The following LONP2 variants were observed in gnomAD, a reference collection of about 807,000 sequenced individuals.
LONP2 encodes the protein lon protease homolog 2, peroxisomal.
In LONP2, 60 loss-of-function variants were observed where a neutral mutation model predicts 85.6. The ratio of observed to expected loss-of-function variants is 0.70; its 90% CI spans 0.57 to 0.87. LONP2 has a LOEUF of 0.87. Among genes scored for constraint, LONP2 ranks in the 40% least tolerant of loss-of-function variants. LONP2 has a pLI of 0.00. For synonymous variants in LONP2, 395 were observed against 389.7 expected (o/e 1.01, Z -0.16); for missense variants, 860 against 1,063.5 (o/e 0.81, Z 2.66).
At chr16:48,252,387 T>A (rs762595771) in intron 2 of LONP2, 22 bp downstream of exon 2, 1 of 1,477,754 alleles carries the variant, frequency 6.8e-7, no homozygotes, top group South Asian at 1.4e-5. Context: ...TTATTTTTTC[T>A]TAAAACCCAT....
chr16:48,270,304 A>G (rs746470840), intron 7 of LONP2, 30 bp downstream of exon 7: 2 of 1,606,838 alleles, frequency 1.2e-6, no homozygotes, highest in Admixed American at 1.7e-5. Flanking sequence ...TTAATCTCTG[A>G]TTCCTCTTTC....
chr16:48,250,121 GGCAGAGT>G (rs1022785434), intron 1 of LONP2, among the ~76,000 whole-genome samples: 1 of 151,390 alleles, frequency 6.6e-6, no homozygotes, highest in African/African-American at 2.4e-5. Flanking sequence ...GAACCCAGGA[GGCAGAGT>G]GCAATAAGCC....
intron 7 of LONP2, among the ~76,000 whole-genome samples, chr16:48,272,148 A>G (rs1209231859): frequency 6.6e-6 from 1 of 152,226 alleles, no homozygotes; most frequent in African/African-American, 2.4e-5. Flanking sequence ...ACACACAGTG[A>G]GCATTCACTA....
In LONP2 at chr16:48,352,191, G is replaced by A. The variant is rs1223933037; in HGVS notation, c.*389G>A. Reference sequence around the variant, plus strand: ...GGGACAGAAATCTGTGTTTTAAGAAGCCTTCCAGGTAATTCTGCTGCACAC... The same window carrying A: ...GGGACAGAAATCTGTGTTTTAAGAAACCTTCCAGGTAATTCTGCTGCACAC... On this transcript the variant is annotated 3_prime_UTR_variant, in exon 15 of 15. Transcript: ENST00000285737. 1 of 199,312 alleles carries A rather than the reference G, an allele frequency of 5.0e-6. No homozygotes were observed. Among genetic ancestry groups the A allele is most frequent in the Non-Finnish European group, 1.0e-5 (1 of 96,320 alleles). The allele number at this position is 199,312 out of a possible 1,614,324, so 12.3% of individuals were successfully genotyped here. A position where few individuals can be genotyped will look rare whatever the true frequency, so the allele number is the denominator to read the frequency against.
chr16:48,287,583 G>A (rs1972473421), intron 8 of LONP2, among the ~76,000 whole-genome samples: 1 of 152,192 alleles, frequency 6.6e-6, no homozygotes, highest in African/African-American at 2.4e-5. Flanking sequence ...GTTCTCTGGG[G>A]ATGGGGCTTT....
chr16:48,287,899 C>T (rs1049300355), intron 8 of LONP2, among the ~76,000 whole-genome samples: 16 of 152,132 alleles, frequency 1.1e-4, no homozygotes, highest in Admixed American at 9.8e-4. Flanking sequence ...TCTTACTCTA[C>T]CATTATATAA....
chr16:48,304,085 A>G (rs1972863413), intron 11 of LONP2, among the ~76,000 whole-genome samples: 1 of 152,228 alleles, frequency 6.6e-6, no homozygotes, highest in Non-Finnish European at 1.5e-5. Flanking sequence ...TAACCATCAC[A>G]GTAACTTTCT....
chr16:48,290,375 A>G (rs1228420646), intron 8 of LONP2, among the ~76,000 whole-genome samples: 2 of 152,178 alleles, frequency 1.3e-5, no homozygotes, highest in Non-Finnish European at 2.9e-5. Context: ...TTCTTCAGCA[A>G]CCGACCACAG....
At chr16:48,288,734 C>T (rs1972501365) in intron 8 of LONP2, among the ~76,000 whole-genome samples, 1 of 152,046 alleles carries the variant, frequency 6.6e-6, no homozygotes, top group Non-Finnish European at 1.5e-5. Context: ...CCACTCTTAC[C>T]TTCATTTAAC....
At chr16:48,344,454 G>T (rs1959905093) in intron 12 of LONP2, 1 of 152,140 alleles carries the variant, frequency 6.6e-6, no homozygotes, top group South Asian at 2.1e-4. Context: ...ATCAAGTCAG[G>T]ATAGTAATTG....
chr16:48,249,762 T>C (rs1263828867), intron 1 of LONP2, among the ~76,000 whole-genome samples: 2 of 152,228 alleles, frequency 1.3e-5, no homozygotes, highest in Non-Finnish European at 2.9e-5. Flanking sequence ...TAGTCAACTA[T>C]AAGTGATTTT....
Position 48,244,404 on chromosome 16 carries a change from C to T in LONP2, c.16C>T (p.Pro6Ser), listed in dbSNP as rs755910224. 5 of 1,569,308 alleles carry T rather than the reference C, an allele frequency of 3.2e-6. No individual in the cohort carries two copies. Among genetic ancestry groups the T allele is most frequent in the Non-Finnish European group, 4.3e-6 (5 of 1,163,672 alleles). Residue 6 changes from proline to serine, a missense_variant, in exon 1 of 15, where the codon CCC becomes TCC. Pro to Ser is a moderately conservative substitution (Grantham distance 74). Around this residue, in one of 3 missense-constraint regions of LONP2, gnomAD observed 743 missense variants for 917.3 expected, o/e 0.81. Coordinates refer to ENST00000285737, the MANE Select transcript of LONP2 (RefSeq NM_031490.5). MSSVSPIQIPSRLPLL... is the reference protein window; with the variant it reads MSSVSSIQIPSRLPLL... ...GGCTGCCAGCATGTCATCAGTGAGC[C>T]CCATCCAGATCCCCAGTCGCCTCCC...
intron 11 of LONP2, among the ~76,000 whole-genome samples, chr16:48,331,027 A>G (rs528504561): frequency 1.3e-5 from 2 of 152,278 alleles, no homozygotes; most frequent in South Asian, 2.1e-4. Flanking sequence ...TGTGATCGTG[A>G]AATACAAGCT....
intron 8 of LONP2, among the ~76,000 whole-genome samples, chr16:48,295,373 AG>A (rs2094666616): frequency 6.6e-6 from 1 of 152,358 alleles, no homozygotes; most frequent in South Asian, 2.1e-4. Flanking sequence ...CTCTGTCTCA[AG>A]AAAAAAAGAG....
At chr16:48,322,549 CAGAAGGGAG>C (rs1973288191) in intron 11 of LONP2, among the ~76,000 whole-genome samples, 3 of 151,986 alleles carry the variant, frequency 2.0e-5, no homozygotes, top group African/African-American at 7.2e-5. Context: ...TTCTTTTTTA[CAGAAGGGAG>C]TACACTCTAA....
downstream of LONP2, among the ~76,000 whole-genome samples, chr16:48,357,961 A>G (rs573016323): frequency 2.1e-4 from 32 of 152,256 alleles, no homozygotes; most frequent in Non-Finnish European, 4.4e-4. Flanking sequence ...AACAAAGTTA[A>G]TAAGTATCTC....
downstream of LONP2, chr16:48,362,228 T>A: frequency 6.2e-7 from 1 of 1,614,212 alleles, no homozygotes; most frequent in East Asian, 2.2e-5. The surrounding 1 kb of genome is among the most constrained non-coding windows in gnomAD (Gnocchi z 4.2). Flanking sequence ...ATGTGAGCTT[T>A]GGGCGACAGT....
intron 11 of LONP2, among the ~76,000 whole-genome samples, chr16:48,325,194 G>C (rs1163636186): frequency 6.6e-6 from 1 of 152,120 alleles, no homozygotes; most frequent in Non-Finnish European, 1.5e-5. Flanking sequence ...TAGAGTTTGA[G>C]CTCCTATGAG....
At chr16:48,361,322 C>G (rs1960584211), downstream of LONP2, 3 of 379,832 alleles carry the variant, frequency 7.9e-6, no homozygotes, top group East Asian at 4.8e-5. Context: ...TACAATGCTT[C>G]CTTTCTTAAT....
Sources: gnomAD v4.1 joint callset for allele counts (sites outside exome capture counted in the v4.1 genomes callset) on GRCh38, gnomAD v4.1.1 for gene constraint, gnomAD v4.1.1 regional missense constraint, Gnocchi (gnomAD v3.1) non-coding constraint, MANE v1.5 for transcripts, NCBI Gene and HGNC (gene_info 2026-07-23, HGNC 2026-07-21) for gene names.